CDH19: variants seen among roughly 807,000 people sequenced by gnomAD.
The protein encoded by CDH19 is cadherin-19.
In CDH19, 67 loss-of-function variants were observed where a neutral mutation model predicts 64.2. The observed-to-expected ratio is 1.04, with a 90% CI of 0.86 to 1.28. The LOEUF (loss-of-function observed/expected upper bound fraction) is 1.28, where lower values mean the gene tolerates loss of function less well. Among genes scored for constraint, CDH19 ranks in the 50% most tolerant of loss-of-function variants. The pLI is 0.00. For missense variants in CDH19, 1,030 were observed against 929.0 expected (o/e 1.11, Z -1.41); for synonymous variants, 346 against 319.3 (o/e 1.08, Z -0.89).
rs888211476 is a variant in CDH19, at chr18:66,553,769, G to T, written c.610+636C>A. Among the ~76,000 whole-genome samples, 9 of 133,624 alleles carry T rather than the reference G, an allele frequency of 6.7e-5. 1 individual carries two copies. Among genetic ancestry groups the T allele is most frequent in the Non-Finnish European group, 1.2e-4 (8 of 65,456 alleles). The allele number at this position is 133,624 out of a possible 152,430, so 87.7% of individuals were successfully genotyped here. A position where few individuals can be genotyped will look rare whatever the true frequency, so the allele number is the denominator to read the frequency against. On this transcript the variant is annotated intron_variant, in intron 4 of 11. Coordinates refer to ENST00000262150, the MANE Select transcript of CDH19 (RefSeq NM_021153.4). Reference sequence around the variant, plus strand: ...ATTAATTTTTGTTTAATGAATTAGGGTCATATGATTGTTTAAAGAAAAGAG... The same window carrying T: ...ATTAATTTTTGTTTAATGAATTAGGTTCATATGATTGTTTAAAGAAAAGAG...
chr18:66,550,906 CATT>C (rs1987313973), intron 5 of CDH19, among the ~76,000 whole-genome samples, 185 bp downstream of exon 5: 1 of 152,050 alleles, frequency 6.6e-6, no homozygotes, highest in African/African-American at 2.4e-5. Flanking sequence ...GAAACTAACA[CATT>C]ATTCTTTCAT....
In CDH19 at chr18:66,503,349, A is replaced by T. The variant is rs1985029279; in HGVS notation, c.*1463T>A. 6.6e-6 allele frequency: 1 copy of T among 151,844 alleles called. No homozygotes were observed. The highest frequency in any genetic ancestry group is 2.4e-5 in the African/African-American group (1 of 41,426). 9.4% of individuals were successfully genotyped at this position (151,844 alleles called of 1,614,324 possible). A position where few individuals can be genotyped will look rare whatever the true frequency, so the allele number is the denominator to read the frequency against. On this transcript the variant is annotated 3_prime_UTR_variant, in exon 12 of 12. Transcript: ENST00000262150. The stretch of plus-strand genomic sequence containing the variant: ...TGCACCTAATTTTATATTCAATAAT[A>T]AAAAAATGACACTGAAGCATCAGTC...
intron 2 of CDH19, among the ~76,000 whole-genome samples, chr18:66,569,972 T>C (rs12327127): frequency 0.02 from 2,995 of 151,776 alleles, 111 homozygotes; most frequent in African/African-American, 0.068. Flanking sequence ...TGCATTTTAA[T>C]AACATGCCGA....
chr18:66,590,453 T>A (rs2144625686), intron 1 of CDH19, among the ~76,000 whole-genome samples: 1 of 151,814 alleles, frequency 6.6e-6, no homozygotes, highest in East Asian at 1.9e-4. Flanking sequence ...AGACAAAGAA[T>A]TTTGCTTTCT....
At chr18:66,513,359 T>A (rs566830419) in intron 9 of CDH19, among the ~76,000 whole-genome samples, 1 of 151,656 alleles carries the variant, frequency 6.6e-6, no homozygotes, top group South Asian at 2.1e-4. Flanking sequence ...TGCCTCCTTT[T>A]AAATGATCAT....
chr18:66,517,890 G>T (rs1259800252), intron 9 of CDH19, among the ~76,000 whole-genome samples: 2 of 151,692 alleles, frequency 1.3e-5, no homozygotes, highest in African/African-American at 4.8e-5. Context: ...TTTAAACGTG[G>T]CTACAGGAAA....
At chr18:66,556,610 T>C (rs925739765) in intron 3 of CDH19, among the ~76,000 whole-genome samples, 3 of 151,932 alleles carry the variant, frequency 2.0e-5, no homozygotes, top group African/African-American at 7.2e-5. Flanking sequence ...TCTTCTTTGA[T>C]GAGACTTAAT....
chr18:66,504,739 AC>A lies in CDH19; in HGVS notation c.*72del, dbSNP rs1985096879. On this transcript the variant is annotated 3_prime_UTR_variant, in exon 12 of 12. Coordinates refer to ENST00000262150, the MANE Select transcript of CDH19 (RefSeq NM_021153.4). ...GCTTTCCCCGCCATAGAGCCAGGGCACAAAACTCTTTAAGACTACCATTGGG... is the reference window on the plus strand; with the variant it reads ...GCTTTCCCCGCCATAGAGCCAGGGCAAAAACTCTTTAAGACTACCATTGGG... The A allele has an allele frequency of 1.4e-6, 2 of 1,470,844 alleles. No individual in the cohort carries two copies. The highest frequency in any genetic ancestry group is 2.8e-5 in the African/African-American group (2 of 70,856). 91.1% of individuals were successfully genotyped at this position (1,470,844 alleles called of 1,614,324 possible).
intron 3 of CDH19, among the ~76,000 whole-genome samples, chr18:66,558,647 A>C (rs1987608431): frequency 6.6e-6 from 1 of 152,058 alleles, no homozygotes. Flanking sequence ...TAAGCAAATC[A>C]ATTTGTACAT....
rs776296937 is a variant in CDH19, at chr18:66,554,493, A to G, written c.522T>C (p.Asp174=). 9 of 1,611,048 alleles carry G rather than the reference A, an allele frequency of 5.6e-6. No individual in the cohort carries two copies. Among genetic ancestry groups the G allele is most frequent in the Admixed American group, 1.7e-5 (1 of 59,826 alleles). The change falls in exon 4 of 12, where the codon GAT becomes GAC. Residue 174 remains aspartate (D), a synonymous_variant. Coordinates refer to ENST00000262150, the MANE Select transcript of CDH19 (RefSeq NM_021153.4). ...GTLVIQVTAS[D]ADDPSSGNNA... ...TATTACCACTTGAGGGATCGTCAGC[A>G]TCACTTGCTGTCACCTGGATAACTA...
rs1185240766 is a variant in CDH19, at chr18:66,552,542, C to T, written c.611-1284G>A. On this transcript the variant is annotated intron_variant, in intron 4 of 11. Transcript: ENST00000262150. Reference sequence around the variant, plus strand: ...GTTGCACAAGTGCTGCTAGCGTCTCCCTGTATGTGACTCAGGGGAGAGGGA... The same window carrying T: ...GTTGCACAAGTGCTGCTAGCGTCTCTCTGTATGTGACTCAGGGGAGAGGGA... Among the ~76,000 whole-genome samples, 2 of 136,758 alleles carry T rather than the reference C, an allele frequency of 1.5e-5. 1 individual carries two copies. The highest frequency in any genetic ancestry group is 6.6e-5 in the African/African-American group (2 of 30,314). 89.7% of individuals were successfully genotyped at this position (136,758 alleles called of 152,430 possible).
intron 5 of CDH19, among the ~76,000 whole-genome samples, chr18:66,546,859 G>A (rs1452334655): frequency 6.6e-6 from 1 of 152,090 alleles, no homozygotes; most frequent in Non-Finnish European, 1.5e-5. Context: ...TAATTGCCTG[G>A]TGTTGGTTTC....
intron 1 of CDH19, among the ~76,000 whole-genome samples, chr18:66,579,499 C>G (rs577479003): frequency 6.6e-6 from 1 of 151,820 alleles, no homozygotes; most frequent in South Asian, 2.1e-4. Context: ...TCACAGATAC[C>G]GACTTTGAGT....
chr18:66,595,109 G>A (rs2144636719), intron 1 of CDH19, among the ~76,000 whole-genome samples: 1 of 151,750 alleles, frequency 6.6e-6, no homozygotes, highest in Middle Eastern at 3.4e-3. Flanking sequence ...GGTCAACAAT[G>A]AAATTAAGGC....
chr18:66,553,701 G>GA lies in CDH19; in HGVS notation c.610+703dup, dbSNP rs199691272. 8.3e-5 allele frequency among the ~76,000 whole-genome samples: 11 copies of GA among 131,748 alleles called. 1 individual carries two copies. In the East Asian group the frequency reaches 2.1e-3, roughly 26 times the overall value. The allele number at this position is 131,748 out of a possible 152,430, so 86.4% of individuals were successfully genotyped here. On this transcript the variant is annotated intron_variant, in intron 4 of 11. Transcript: ENST00000262150. ...CAGTGGAGACTATAATCTTCTAAAG[G>GA]AAAAAAAATTACATGGGCCTAATCT...
chr18:66,566,251 T>TATA lies in CDH19; in HGVS notation c.490+2162_490+2164dup, dbSNP rs572145591. On this transcript the variant is annotated intron_variant, in intron 3 of 11. Coordinates refer to ENST00000262150, the MANE Select transcript of CDH19 (RefSeq NM_021153.4). Reference sequence around the variant, plus strand: ...ATGTTAACATATAATCTGTCCCTTCTATAAGTACAATGGATTCCATGACCC... The same window carrying TATA: ...ATGTTAACATATAATCTGTCCCTTCTATAATAAGTACAATGGATTCCATGACCC... Among the ~76,000 whole-genome samples, 312 of 151,670 alleles carry TATA rather than the reference T, an allele frequency of 2.1e-3. 2 individuals are homozygous for TATA. Among genetic ancestry groups the TATA allele is most frequent in the African/African-American group, 7.1e-3 (294 of 41,462 alleles).
chr18:66,573,741 T>C (rs1408166887), intron 1 of CDH19, among the ~76,000 whole-genome samples: 1 of 151,600 alleles, frequency 6.6e-6, no homozygotes, highest in Non-Finnish European at 1.5e-5. Flanking sequence ...TTGATACATA[T>C]AAAGATAAAT....
chr18:66,589,207 T>G (rs1379808516), intron 1 of CDH19, among the ~76,000 whole-genome samples: 1 of 150,818 alleles, frequency 6.6e-6, no homozygotes, highest in African/African-American at 2.4e-5. Flanking sequence ...TCACGTAAAT[T>G]ATATTTGACA....
At chr18:66,523,233 A>C (rs1447122130) in intron 9 of CDH19, among the ~76,000 whole-genome samples, 1 of 152,164 alleles carries the variant, frequency 6.6e-6, no homozygotes, top group East Asian at 1.9e-4. Context: ...GCCTGGTTCC[A>C]ACAGAGGGAC....
Sources: allele counts gnomAD v4.1 joint callset (sites outside exome capture counted in the v4.1 genomes callset), GRCh38; gene constraint gnomAD v4.1.1; transcripts MANE v1.5; gene names NCBI Gene and HGNC (gene_info 2026-07-23, HGNC 2026-07-21).